Variants in ALK observed in about 807,000 individuals in gnomAD.
ALK encodes the protein ALK tyrosine kinase receptor.
ALK carries 74 observed loss-of-function variants against 163.1 expected under a neutral mutation model. The observed-to-expected ratio is 0.45, with a 90% confidence interval of 0.38 to 0.55. The LOEUF is 0.55. Among genes scored for constraint, ALK ranks in the 20% least tolerant of loss-of-function variants. ALK has a pLI of 0.00. For synonymous variants in ALK, 960 were observed against 843.2 expected (o/e 1.14, Z -2.40); for missense variants, 2,063 against 2,105.3 (o/e 0.98, Z 0.39).
At position 29,739,360 on chromosome 2, in the gene ALK, C is replaced by A. The variant is rs547797590; in HGVS notation, c.668-21663G>T. Among the ~76,000 whole-genome samples, 35 of 150,174 alleles carry A rather than the reference C, an allele frequency of 2.3e-4. No homozygotes were observed. In the South Asian group the frequency reaches 7.4e-3, roughly 32 times the overall value. ...AGATCACAAGGCCAAGAAATTGAGA[C>A]CATCCTGGCCAACTTTGTGAAACAC... On this transcript the variant is annotated intron_variant, in intron 1 of 28. Coordinates refer to ENST00000389048, the MANE Select transcript of ALK (RefSeq NM_004304.5).
intron 4 of ALK, among the ~76,000 whole-genome samples, chr2:29,503,223 C>T (rs1672231794): frequency 6.6e-6 from 1 of 152,150 alleles, no homozygotes; most frequent in Admixed American, 6.5e-5. Flanking sequence ...AATTATGATT[C>T]CCATTTTACA....
intron 3 of ALK, among the ~76,000 whole-genome samples, chr2:29,621,218 T>G (rs1398128606): frequency 6.6e-6 from 1 of 152,058 alleles, no homozygotes; most frequent in African/African-American, 2.4e-5. Context: ...TGAGAAGGAA[T>G]TACAATGTTT....
intron 1 of ALK, among the ~76,000 whole-genome samples, chr2:29,769,676 G>A (rs1680963473): frequency 6.6e-6 from 1 of 152,180 alleles, no homozygotes; most frequent in Admixed American, 6.5e-5. Flanking sequence ...TCCCTCTTTA[G>A]AGGAGTGATC....
intron 3 of ALK, among the ~76,000 whole-genome samples, chr2:29,625,779 T>C (rs1000480183): frequency 2.0e-4 from 31 of 152,350 alleles, no homozygotes; most frequent in African/African-American, 7.2e-4. Context: ...TGCCTGCTGC[T>C]GGAGGGCCAG....
intron 13 of ALK, among the ~76,000 whole-genome samples, chr2:29,234,586 G>C (rs1342951948): frequency 6.6e-6 from 1 of 152,012 alleles, no homozygotes; most frequent in Non-Finnish European, 1.5e-5. Context: ...AGGTAGTCTG[G>C]ATTCTCCACC....
intron 26 of ALK, among the ~76,000 whole-genome samples, chr2:29,205,404 GT>G (rs1669285848): frequency 6.6e-6 from 1 of 151,456 alleles, no homozygotes; most frequent in Non-Finnish European, 1.5e-5. Context: ...TTCTGTGACT[GT>G]TGTAAAAAAC....
intron 16 of ALK, among the ~76,000 whole-genome samples, chr2:29,228,095 A>T (rs1454411609): frequency 6.6e-6 from 1 of 152,044 alleles, no homozygotes; most frequent in Non-Finnish European, 1.5e-5. Flanking sequence ...GCGGGAAATG[A>T]GCCCCTGTGC....
chr2:29,893,100 G>A (rs985407558), intron 1 of ALK, among the ~76,000 whole-genome samples: 21 of 152,062 alleles, frequency 1.4e-4, no homozygotes, highest in African/African-American at 4.3e-4. Context: ...TGCTGTTGTC[G>A]CCCCTGCTGC....
At chr2:29,383,388 C>T (rs1435014440) in intron 5 of ALK, among the ~76,000 whole-genome samples, 1 of 151,816 alleles carries the variant, frequency 6.6e-6, no homozygotes, top group Non-Finnish European at 1.5e-5. Flanking sequence ...ACAATCTTGG[C>T]TCGCTGTGAC....
chr2:29,528,312 C>T (rs1417804689), intron 4 of ALK, among the ~76,000 whole-genome samples: 9 of 152,292 alleles, frequency 5.9e-5, no homozygotes, highest in African/African-American at 2.2e-4. Flanking sequence ...ACGCCACCCA[C>T]CATCAAGCTT....
intron 1 of ALK, among the ~76,000 whole-genome samples, chr2:29,912,492 G>C (rs966596265): frequency 2.0e-5 from 3 of 152,018 alleles, no homozygotes; most frequent in African/African-American, 4.8e-5. Context: ...CAGGAACTAA[G>C]AGAATTTATC....
intron 4 of ALK, among the ~76,000 whole-genome samples, chr2:29,450,064 A>C (rs1349326063): frequency 2.0e-5 from 3 of 152,164 alleles, no homozygotes; most frequent in Non-Finnish European, 1.5e-5. Flanking sequence ...AAAGGGGAAA[A>C]TGCTGTCCCC....
At chr2:29,348,212 C>T (rs953352875) in intron 5 of ALK, among the ~76,000 whole-genome samples, 1 of 152,128 alleles carries the variant, frequency 6.6e-6, no homozygotes, top group Non-Finnish European at 1.5e-5. Context: ...GTTGCTCCAT[C>T]TCTCCTAGGC....
chr2:29,738,823 A>G (rs1414434943), intron 1 of ALK, among the ~76,000 whole-genome samples: 1 of 152,134 alleles, frequency 6.6e-6, no homozygotes, highest in Non-Finnish European at 1.5e-5. Context: ...GAAACTCAGA[A>G]TGAAACCATA....
chr2:29,788,176 A>G (rs2148355418), intron 1 of ALK, among the ~76,000 whole-genome samples: 1 of 152,312 alleles, frequency 6.6e-6, no homozygotes, highest in East Asian at 1.9e-4. Flanking sequence ...TGGCTGTAGT[A>G]CAGCTGGTTA....
intron 2 of ALK, among the ~76,000 whole-genome samples, chr2:29,697,539 C>T (rs566457243): frequency 1.3e-5 from 2 of 152,146 alleles, no homozygotes; most frequent in African/African-American, 4.8e-5. Flanking sequence ...CCATGGCGGG[C>T]TCTCAAAGCT....
chr2:29,880,528 C>T (rs571772225), intron 1 of ALK, among the ~76,000 whole-genome samples: 8 of 152,282 alleles, frequency 5.3e-5, no homozygotes, highest in Admixed American at 4.6e-4. Flanking sequence ...GTGGCTGTCA[C>T]CCACCCCCAC....
chr2:29,243,747 C>T (rs1427713445), intron 12 of ALK, among the ~76,000 whole-genome samples: 2 of 152,220 alleles, frequency 1.3e-5, no homozygotes, highest in African/African-American at 2.4e-5. Context: ...CTCTCTGAAG[C>T]TTTCTTCCCA....
chr2:29,763,358 C>G (rs954203165), intron 1 of ALK, among the ~76,000 whole-genome samples: 1 of 152,180 alleles, frequency 6.6e-6, no homozygotes, highest in African/African-American at 2.4e-5. Context: ...CATTCTCCTT[C>G]TAGTCACTTT....
Sources: allele counts gnomAD v4.1 joint callset (sites outside exome capture counted in the v4.1 genomes callset), GRCh38; gene constraint gnomAD v4.1.1; transcripts MANE v1.5; gene names NCBI Gene and HGNC (gene_info 2026-07-23, HGNC 2026-07-21).